The following PDE4B variants were observed in gnomAD, a reference collection of about 807,000 sequenced individuals.
The protein encoded by PDE4B is 3',5'-cyclic-AMP phosphodiesterase 4B.
Under a neutral mutation model 82.2 loss-of-function variants are expected in PDE4B, and 20 were observed. That is an observed-to-expected ratio of 0.24 (90% CI 0.17 to 0.35). PDE4B has a LOEUF of 0.35. Ranked by LOEUF, PDE4B falls within the 10% of genes least tolerant of loss-of-function variation. The pLI is 1.00. For missense variants in PDE4B, 655 were observed against 907.2 expected (o/e 0.72, Z 3.57); for synonymous variants, 320 against 318.9 (o/e 1.00, Z -0.04).
intron 1 of PDE4B, among the ~76,000 whole-genome samples, chr1:65,896,189 A>T (rs1477159494): frequency 6.6e-6 from 1 of 152,084 alleles, no homozygotes; most frequent in African/African-American, 2.4e-5. Flanking sequence ...AAGAGGTTTA[A>T]TTGGCTCACA....
chr1:66,372,525 G>A lies in PDE4B; in HGVS notation c.2058G>A (p.Glu686=). 1 of 1,614,146 alleles carries A rather than the reference G, an allele frequency of 6.2e-7. No homozygotes were observed. The highest frequency in any genetic ancestry group is 8.5e-7 in the Non-Finnish European group (1 of 1,180,000). Residue 686 remains glutamate (E), a synonymous_variant, in exon 17 of 17, where the codon GAG becomes GAA. Transcript: ENST00000341517. ...TTCAGTTTGAACTGACTCTCGATGA[G>A]GAAGATTCTGAAGGACCTGAGAAGG... The part of the protein sequence containing the change: ...EKFQFELTLD[E]EDSEGPEKEG...
At chr1:65,833,300 G>A (rs531794350) in intron 1 of PDE4B, among the ~76,000 whole-genome samples, 20 of 152,228 alleles carry the variant, frequency 1.3e-4, no homozygotes, top group South Asian at 1.2e-3. Context: ...TTATGCAACC[G>A]CTTTGTTAGA....
At chr1:66,370,863 A>C (rs2050732518) in intron 16 of PDE4B, among the ~76,000 whole-genome samples, 1 of 151,828 alleles carries the variant, frequency 6.6e-6, no homozygotes, top group Admixed American at 6.6e-5. Context: ...CACATAAAGA[A>C]GTAAAAGGGA....
In PDE4B at chr1:65,965,722, G is replaced by A. The variant is rs187028626; in HGVS notation, c.281+46887G>A. ...ACTAGTGCTTAGCACAGTGCATAGC[G>A]TATTATTGGCACTCAACAAAAACAT... On this transcript the variant is annotated intron_variant, in intron 3 of 16. Coordinates refer to ENST00000341517, the MANE Select transcript of PDE4B (RefSeq NM_002600.4). Among the ~76,000 whole-genome samples, 19 of 152,090 alleles carry A rather than the reference G, an allele frequency of 1.2e-4. No individual in the cohort carries two copies. The East Asian group carries it at 2.9e-3, about 23-fold the overall frequency.
At chr1:66,303,113 T>C (rs548945486) in intron 7 of PDE4B, among the ~76,000 whole-genome samples, 1 of 152,180 alleles carries the variant, frequency 6.6e-6, no homozygotes, top group Non-Finnish European at 1.5e-5. Flanking sequence ...GAGTGGTTAT[T>C]TTTTCACCAT....
chr1:65,855,214 T>A (rs1646379366), intron 1 of PDE4B, among the ~76,000 whole-genome samples: 2 of 151,618 alleles, frequency 1.3e-5, no homozygotes, highest in Admixed American at 6.6e-5. Flanking sequence ...TTGACTGATA[T>A]TTTCCCTGGG....
At chr1:66,166,462 G>A (rs116267255) in intron 3 of PDE4B, among the ~76,000 whole-genome samples, 1,574 of 152,244 alleles carry the variant, frequency 0.01, 28 homozygotes, top group African/African-American at 0.036. Context: ...GGGGCTGGGC[G>A]GGTTGGCTCA....
intron 3 of PDE4B, among the ~76,000 whole-genome samples, chr1:66,182,121 G>T (rs1443059667): frequency 6.6e-6 from 1 of 152,042 alleles, no homozygotes; most frequent in African/African-American, 2.4e-5. Flanking sequence ...TTTCTTTTTG[G>T]TTTTATTTTG....
intron 3 of PDE4B, among the ~76,000 whole-genome samples, chr1:66,028,156 T>A (rs1204480846): frequency 6.6e-6 from 1 of 152,236 alleles, no homozygotes; most frequent in Non-Finnish European, 1.5e-5. Context: ...ATACATCTTC[T>A]GAAATCTAGG....
intron 7 of PDE4B, among the ~76,000 whole-genome samples, chr1:66,328,207 A>G (rs1432494003): frequency 6.6e-6 from 1 of 152,210 alleles, no homozygotes; most frequent in Admixed American, 6.5e-5. Flanking sequence ...AAACTTATAG[A>G]AGGAAGAAAA....
intron 3 of PDE4B, among the ~76,000 whole-genome samples, chr1:66,044,428 G>T (rs1654570004): frequency 6.6e-6 from 1 of 151,710 alleles, no homozygotes; most frequent in African/African-American, 2.4e-5. Context: ...ATATGTTTTA[G>T]AAGAGAAAAG....
In PDE4B at chr1:66,020,317, C is replaced by CT. The variant is rs201929982; in HGVS notation, c.281+101492dup. On this transcript the variant is annotated intron_variant, in intron 3 of 16. Transcript: ENST00000341517. ...CATTACTTAAAGAACACTTTGAACT[C>CT]TTTTTTTTTTAATATACTTTAAGCT... 6.4e-3 allele frequency among the ~76,000 whole-genome samples: 950 copies of CT among 148,672 alleles called. 6 individuals are homozygous for CT. Among genetic ancestry groups the CT allele is most frequent in the African/African-American group, 0.022 (876 of 40,624 alleles).
chr1:66,210,147 T>A (rs549829237), intron 3 of PDE4B, among the ~76,000 whole-genome samples: 131 of 152,342 alleles, frequency 8.6e-4, no homozygotes, highest in Middle Eastern at 3.4e-3. Flanking sequence ...ATTATACATT[T>A]ACACTAACGG....
At chr1:65,897,123 C>A (rs1398971948) in intron 1 of PDE4B, among the ~76,000 whole-genome samples, 1 of 152,104 alleles carries the variant, frequency 6.6e-6, no homozygotes, top group Non-Finnish European at 1.5e-5. Flanking sequence ...ATATAGGATG[C>A]ATTATTTCTA....
intron 3 of PDE4B, among the ~76,000 whole-genome samples, chr1:65,955,010 C>T (rs1335088159): frequency 6.6e-6 from 1 of 152,016 alleles, no homozygotes; most frequent in Admixed American, 6.6e-5. Flanking sequence ...ATTCATACTG[C>T]ATCAATTTGT....
At chr1:66,048,139 C>G (rs1654815217) in intron 3 of PDE4B, among the ~76,000 whole-genome samples, 1 of 151,882 alleles carries the variant, frequency 6.6e-6, no homozygotes, top group South Asian at 2.1e-4. Context: ...ATTGCTGTAC[C>G]TCCTGTACTA....
At chr1:66,273,357 A>T (rs973779187) in intron 7 of PDE4B, among the ~76,000 whole-genome samples, 4 of 152,196 alleles carry the variant, frequency 2.6e-5, no homozygotes, top group Non-Finnish European at 5.9e-5. Context: ...CAGCTCAGGG[A>T]TTATTTTTCA....
intron 15 of PDE4B, among the ~76,000 whole-genome samples, chr1:66,368,438 A>G (rs541661426): frequency 1.3e-5 from 2 of 152,214 alleles, no homozygotes; most frequent in Non-Finnish European, 2.9e-5. Flanking sequence ...TCTTTCCACA[A>G]GTGGAAAATA....
intron 3 of PDE4B, among the ~76,000 whole-genome samples, chr1:66,238,885 A>G (rs1245797676): frequency 1.3e-5 from 2 of 152,206 alleles, no homozygotes; most frequent in African/African-American, 4.8e-5. Flanking sequence ...CATCACTGGA[A>G]TATACAAACA....
Sources: allele counts gnomAD v4.1 joint callset (sites outside exome capture counted in the v4.1 genomes callset), GRCh38; gene constraint gnomAD v4.1.1; transcripts MANE v1.5; gene names NCBI Gene and HGNC (gene_info 2026-07-23, HGNC 2026-07-21).